Variants in CELSR1 observed in about 807,000 individuals in gnomAD.
The protein encoded by CELSR1 is adhesion G protein-coupled receptor C1.
CELSR1 carries 110 observed loss-of-function variants against 249.1 expected under a neutral mutation model. The observed-to-expected ratio is 0.44, with a 90% CI of 0.38 to 0.52. The LOEUF is 0.52. Ranked by LOEUF, CELSR1 falls within the 20% of genes least tolerant of loss-of-function variation. CELSR1 has a pLI of 0.00. For synonymous variants in CELSR1, 2,113 were observed against 1,900.0 expected, an observed-to-expected ratio of 1.11 and a Z score of -2.92; for missense variants, 4,109 against 4,296.4, an observed-to-expected ratio of 0.96 and a Z score of 1.22.
rs1319185752 is a variant in CELSR1 at position 46,408,922 on chromosome 22, G to A, written c.5226+74C>T. ...GTAGCAGGTGCCCGAGTGTGCACCA[G>A]GAAGCCCAGCGCCTGGGTCCCTCCC... is the stretch of plus-strand genomic sequence containing the variant. On this transcript the variant is annotated intron_variant, in intron 9 of 34. Coordinates refer to ENST00000674500, the MANE Select transcript of CELSR1 (RefSeq NM_001378328.1). This position sits in a 1 kb window ranked among gnomAD's most constrained non-coding sequence, Gnocchi z 4.6. 4.6e-5 allele frequency: 59 copies of A among 1,294,946 alleles called. No individual in the cohort carries two copies. The highest frequency in any genetic ancestry group is 6.1e-5 in the Non-Finnish European group (58 of 957,652). The allele number at this position is 1,294,946 out of a possible 1,614,324, so 80.2% of individuals were successfully genotyped here.
At position 46,526,421 on chromosome 22, in the gene CELSR1, C is replaced by T. The variant is rs1937840855; in HGVS notation, c.3544+7206G>A. 6.6e-6 allele frequency among the ~76,000 whole-genome samples: 1 copy of T among 152,202 alleles called. No homozygotes were observed. Among genetic ancestry groups the T allele is most frequent in the Non-Finnish European group, 1.5e-5 (1 of 68,038 alleles). ...GCCTTGTGCAGGCCTGTCCCCATGA[C>T]ACCCTGCCTTCCCTCTGAGGCTGGG... On this transcript the variant is annotated intron_variant, in intron 1 of 34. Transcript: ENST00000674500. This position sits in a 1 kb window ranked among gnomAD's most constrained non-coding sequence, Gnocchi z 4.7.
rs2079115179 is a variant in CELSR1, at chr22:46,393,466, G to A, written c.5964+676C>T. ...AAAGACCAGGAAAATGGCCAGGCAC[G>A]GTGGCTCACGCCTGTAATCCCAGCA... On this transcript the variant is annotated intron_variant, in intron 14 of 34. Transcript: ENST00000674500. This position sits in a 1 kb window ranked among gnomAD's most constrained non-coding sequence, Gnocchi z 4.1. Among the ~76,000 whole-genome samples the A allele has an allele frequency of 6.6e-6, 1 of 152,210 alleles. No homozygotes were observed. The highest frequency in any genetic ancestry group is 1.5e-5 in the Non-Finnish European group (1 of 68,028).
At chr22:46,416,384 C>A (rs571671827) in intron 5 of CELSR1, among the ~76,000 whole-genome samples, 1 of 152,208 alleles carries the variant, frequency 6.6e-6, no homozygotes, top group Non-Finnish European at 1.5e-5. Flanking sequence ...AGGACCCCCC[C>A]CAACCCCTGC....
chr22:46,419,300 G>A (rs185523737), intron 5 of CELSR1, among the ~76,000 whole-genome samples: 1 of 152,200 alleles, frequency 6.6e-6, no homozygotes, highest in Admixed American at 6.5e-5. Context: ...CGCCTTCTTG[G>A]AAAGCAACAC....
At chr22:46,438,649 T>G (rs2079696688) in intron 3 of CELSR1, among the ~76,000 whole-genome samples, 1 of 152,040 alleles carries the variant, frequency 6.6e-6, no homozygotes, top group South Asian at 2.1e-4. Flanking sequence ...TAATTAAACG[T>G]TATTGGAGGT....
chr22:46,469,998 G>GGATGAGGGGAGGGAGGGA (rs1569186678), intron 1 of CELSR1, among the ~76,000 whole-genome samples: 1 of 128,412 alleles, frequency 7.8e-6, no homozygotes, highest in African/African-American at 2.9e-5. Context: ...GAGGGAGGGA[G>GGATGAGGGGAGGGAGGGA]GGAGAGGCAA....
intron 2 of CELSR1, among the ~76,000 whole-genome samples, chr22:46,458,735 C>T (rs368307496): frequency 4.6e-5 from 7 of 152,302 alleles, no homozygotes; most frequent in African/African-American, 1.4e-4. Flanking sequence ...TGGCCCCGCC[C>T]GCCTGGTGCT....
chr22:46,398,677 C>A lies in CELSR1; in HGVS notation c.5413-40G>T. 1 of 1,511,094 alleles carries A rather than the reference C, an allele frequency of 6.6e-7. No individual in the cohort carries two copies. The allele number at this position is 1,511,094 out of a possible 1,614,324, so 93.6% of individuals were successfully genotyped here. ...GGGCCGGGGATCTGGGGGCTGCATC[C>A]ACCATCCTAGAAACGTCTCTCAGAT... On this transcript the variant is annotated intron_variant, in intron 10 of 34. Coordinates refer to ENST00000674500, the MANE Select transcript of CELSR1 (RefSeq NM_001378328.1). The surrounding 1 kb of genome is among the most constrained non-coding windows in gnomAD (Gnocchi z 7.2).
chr22:46,391,281 T>A lies in CELSR1; in HGVS notation c.6155A>T (p.Tyr2052Phe). The A allele has an allele frequency of 6.2e-7, 1 of 1,613,614 alleles. No individual in the cohort carries two copies. Among genetic ancestry groups the A allele is most frequent in the Non-Finnish European group, 8.5e-7 (1 of 1,179,920 alleles). ...EVTTLGCEVI[Y>F]NGCPKAFEAG... ...CTCAAATGCTTTGGGACAGCCATTG[T>A]AGATCACTGGGGTAGAGAAGAGAGA... Residue 2052 changes from tyrosine to phenylalanine, a missense_variant, in exon 16 of 35, where the codon TAC (tyrosine) becomes TTC (phenylalanine). Transcript: ENST00000674500. The surrounding 1 kb of genome is among the most constrained non-coding windows in gnomAD (Gnocchi z 4.3).
chr22:46,409,607 C>T lies in CELSR1; in HGVS notation c.5059+148G>A, dbSNP rs574827337. On this transcript the variant is annotated intron_variant, in intron 8 of 34. Transcript: ENST00000674500. This position sits in a 1 kb window ranked among gnomAD's most constrained non-coding sequence, Gnocchi z 9.8. ...GCGGAGGACAGTCTCTTGGAGAGGGCGGTGTGAGTCCACAGTAAATGCAGC... is the reference window on the plus strand; with the variant it reads ...GCGGAGGACAGTCTCTTGGAGAGGGTGGTGTGAGTCCACAGTAAATGCAGC... The T allele has an allele frequency of 7.4e-4, 680 of 914,112 alleles. 7 individuals carry two copies. In the African/African-American group the frequency reaches 9.8e-3, roughly 13 times the overall value. The allele number at this position is 914,112 out of a possible 1,614,324, so 56.6% of individuals were successfully genotyped here.
intron 1 of CELSR1, among the ~76,000 whole-genome samples, chr22:46,525,920 G>A (rs575357099): frequency 1.3e-4 from 20 of 152,388 alleles, no homozygotes; most frequent in African/African-American, 4.3e-4. Context: ...CGCTCCAGGC[G>A]TGGCCAGCAC....
chr22:46,535,556 C>T lies in CELSR1; in HGVS notation c.1615G>A (p.Gly539Arg). The T allele has an allele frequency of 6.2e-7, 1 of 1,613,356 alleles. No homozygotes were observed. The highest frequency in any genetic ancestry group is 8.5e-7 in the Non-Finnish European group (1 of 1,180,018). Residue 539 changes from glycine (G) to arginine (R), a missense_variant, in exon 1 of 35, where the codon GGG becomes AGG. Transcript: ENST00000674500. ...KYSLSIKAQDGGRPPLINSSG... is the reference protein window; with the variant it reads ...KYSLSIKAQDRGRPPLINSSG... ...GAATTGATGAGCGGGGGCCGGCCCC[C>T]ATCCTGGGCCTTAATGCTCAGCGAG...
intron 3 of CELSR1, 30 bp downstream of exon 3, chr22:46,439,159 C>T (rs374248531): frequency 4.8e-5 from 76 of 1,591,626 alleles, no homozygotes; most frequent in Middle Eastern, 3.3e-4. Context: ...TAAAGAGACC[C>T]CCGTGTGGCG....
intron 5 of CELSR1, among the ~76,000 whole-genome samples, chr22:46,414,215 C>T (rs1432335288): frequency 6.6e-6 from 1 of 152,208 alleles, no homozygotes; most frequent in African/African-American, 2.4e-5. Flanking sequence ...GTTTAGGAAA[C>T]GGTCTCTGAT....
In CELSR1 at chr22:46,382,068, G is replaced by C; in HGVS notation, c.6884-18C>G. The stretch of plus-strand genomic sequence containing the variant: ...GGGGCCTTCTGCAATGTGAGCAGAA[G>C]GTGAGGACTCTGGCAGGAGCACCTG... On this transcript the variant is annotated intron_variant, in intron 20 of 34. Transcript: ENST00000674500. 6.7e-7 allele frequency: 1 copy of C among 1,501,292 alleles called. No homozygotes were observed. Among genetic ancestry groups the C allele is most frequent in the Non-Finnish European group, 8.9e-7 (1 of 1,122,062 alleles). 93.0% of individuals were successfully genotyped at this position (1,501,292 alleles called of 1,614,324 possible). A position where few individuals can be genotyped will look rare whatever the true frequency, so the allele number is the denominator to read the frequency against.
At position 46,366,456 on chromosome 22, in the gene CELSR1, A is replaced by G; in HGVS notation, c.8230T>C (p.Phe2744Leu). The change falls in exon 30 of 35, where the codon TTC (phenylalanine) becomes CTC (leucine). Residue 2744 changes from phenylalanine (F) to leucine (L), a missense_variant. By Grantham distance (22) the Phe-to-Leu change is conservative. Transcript: ENST00000674500. ...LTRSLNCNTT[F>L]GDGPDMLRTD... Reference sequence around the variant, plus strand: ...CGCAGCATGTCAGGCCCGTCACCGAAGGTGGTGTTGCAGTTGAGGGAGCGC... The same window carrying G: ...CGCAGCATGTCAGGCCCGTCACCGAGGGTGGTGTTGCAGTTGAGGGAGCGC... 1 of 1,550,286 alleles carries G rather than the reference A, an allele frequency of 6.5e-7. No homozygotes were observed. The highest frequency in any genetic ancestry group is 8.7e-7 in the Non-Finnish European group (1 of 1,146,708).
intron 1 of CELSR1, among the ~76,000 whole-genome samples, chr22:46,522,616 AAC>A (rs1286156677): frequency 9.9e-5 from 15 of 152,222 alleles, no homozygotes; most frequent in Non-Finnish European, 2.2e-4. Context: ...AATATTTCAT[AAC>A]AGTTTTTAAA....
rs189764495 is a variant in CELSR1 at position 46,489,038 on chromosome 22, C to A, written c.3545-24693G>T. 4.2e-3 allele frequency among the ~76,000 whole-genome samples: 634 copies of A among 152,204 alleles called. 2 individuals are homozygous for A. The highest frequency in any genetic ancestry group is 7.3e-3 in the Non-Finnish European group (498 of 68,004). ...ATGTCAGCTCAGACCCCCAGACACA[C>A]CCACACCCCATGGCAGGGCAGGGCC... On this transcript the variant is annotated intron_variant, in intron 1 of 34. Coordinates refer to ENST00000674500, the MANE Select transcript of CELSR1 (RefSeq NM_001378328.1).
In CELSR1 at chr22:46,437,556, G is replaced by A. The variant is rs989965139; in HGVS notation, c.4407-1267C>T. Among the ~76,000 whole-genome samples, 2 of 152,144 alleles carry A rather than the reference G, an allele frequency of 1.3e-5. No homozygotes were observed. Among genetic ancestry groups the A allele is most frequent in the African/African-American group, 4.8e-5 (2 of 41,440 alleles). ...GGATCACCTGAGGTCAGGTTGACCA[G>A]CCTGGCCAACATGGTGAAACCCCGT... On this transcript the variant is annotated intron_variant, in intron 3 of 34. Transcript: ENST00000674500. The surrounding 1 kb of genome is among the most constrained non-coding windows in gnomAD (Gnocchi z 4.9).
Sources: gnomAD v4.1 joint callset for allele counts (sites outside exome capture counted in the v4.1 genomes callset) on GRCh38, gnomAD v4.1.1 for gene constraint, Gnocchi (gnomAD v3.1) non-coding constraint, MANE v1.5 for transcripts, NCBI Gene and HGNC (gene_info 2026-07-23, HGNC 2026-07-21) for gene names.